Variants in CSMD3 observed in about 807,000 individuals in gnomAD.
The protein encoded by CSMD3 is CUB and sushi domain-containing protein 3.
CSMD3 carries 177 observed loss-of-function variants against 435.2 expected under a neutral mutation model. That is an observed-to-expected ratio of 0.41 (90% CI 0.36 to 0.46). The LOEUF (loss-of-function observed/expected upper bound fraction) is 0.46, where lower values mean the gene tolerates loss of function less well. CSMD3 is among the 20% of genes least tolerant of loss of function. The pLI, the probability that CSMD3 is intolerant of heterozygous loss-of-function variation, is 0.34. For missense variants in CSMD3, 4,265 were observed against 4,504.6 expected, an observed-to-expected ratio of 0.95 and a Z score of 1.52; for synonymous variants, 1,656 against 1,520.5, an observed-to-expected ratio of 1.09 and a Z score of -2.07.
In CSMD3 at chr8:112,685,437, C is replaced by T. The variant is rs1255348856; in HGVS notation, c.2451G>A (p.Met817Ile). The change falls in exon 15 of 71, where the codon ATG becomes ATA. Residue 817 changes from methionine to isoleucine, a missense_variant. By Grantham distance (10) the Met-to-Ile change is conservative. Around this residue, in one of 3 missense-constraint regions of CSMD3, gnomAD observed 279 missense variants for 369.0 expected, o/e 0.76. Coordinates refer to ENST00000297405, the MANE Select transcript of CSMD3 (RefSeq NM_198123.2). ...LRLEFQADHS[M>I]SGRGFNITYN... ...AAGTGATGTTAAAGCCACGTCCTGA[C>T]ATTGAGTGGTCAGCCTGAAATTCCA... The T allele has an allele frequency of 6.2e-7, 1 of 1,613,962 alleles. No homozygotes were observed. Among genetic ancestry groups the T allele is most frequent in the East Asian group, 2.2e-5 (1 of 44,838 alleles).
At chr8:112,751,920 G>T (rs1350612615) in intron 13 of CSMD3, among the ~76,000 whole-genome samples, 1 of 151,936 alleles carries the variant, frequency 6.6e-6, no homozygotes, top group Non-Finnish European at 1.5e-5. Context: ...ATTTCTACTT[G>T]AGCACTAAAT....
At chr8:112,718,454 C>G (rs2076782114) in intron 13 of CSMD3, among the ~76,000 whole-genome samples, 1 of 151,580 alleles carries the variant, frequency 6.6e-6, no homozygotes, top group Non-Finnish European at 1.5e-5. Context: ...CTATTTCATT[C>G]TCTCTTCAGT....
At chr8:113,313,722 T>A (rs941507249) in intron 2 of CSMD3, 1 of 152,130 alleles carries the variant, frequency 6.6e-6, no homozygotes, top group Non-Finnish European at 1.5e-5. Flanking sequence ...AGTCTTTAAT[T>A]CCTACATGTT....
intron 61 of CSMD3, among the ~76,000 whole-genome samples, chr8:112,256,548 T>G (rs1170683808): frequency 6.6e-6 from 1 of 152,196 alleles, no homozygotes; most frequent in Admixed American, 6.5e-5. Context: ...AGGAGGCCTG[T>G]GTGGCTGGAG....
chr8:113,244,758 C>T (rs751269904), intron 3 of CSMD3, among the ~76,000 whole-genome samples: 22 of 152,026 alleles, frequency 1.4e-4, no homozygotes, highest in Non-Finnish European at 4.4e-5. Flanking sequence ...TATATCTGGA[C>T]TGGTTTTTTT....
At chr8:112,691,228 C>T (rs2076130323) in intron 13 of CSMD3, among the ~76,000 whole-genome samples, 1 of 152,094 alleles carries the variant, frequency 6.6e-6, no homozygotes, top group Non-Finnish European at 1.5e-5. Context: ...ATCATACATG[C>T]ATTTAAACGT....
At chr8:112,749,203 G>T (rs2077510850) in intron 13 of CSMD3, among the ~76,000 whole-genome samples, 1 of 151,936 alleles carries the variant, frequency 6.6e-6, no homozygotes, top group African/African-American at 2.4e-5. Context: ...TTTTCCTCTT[G>T]TGAATTTGTT....
intron 44 of CSMD3, among the ~76,000 whole-genome samples, 177 bp from the exon 45 acceptor site, chr8:112,335,651 T>C (rs1824485392): frequency 6.6e-6 from 1 of 152,120 alleles, no homozygotes; most frequent in African/African-American, 2.4e-5. Context: ...GGTGACCACA[T>C]ATTTTTAAAT....
chr8:112,362,444 T>A (rs3950676), intron 38 of CSMD3, among the ~76,000 whole-genome samples: 59,397 of 151,822 alleles, frequency 0.39, 13,218 homozygotes, highest in Middle Eastern at 0.53. Flanking sequence ...AGTAAATGAA[T>A]ACTCAGTAAT....
intron 9 of CSMD3, among the ~76,000 whole-genome samples, chr8:112,937,663 T>G (rs2083326428): frequency 6.6e-6 from 1 of 152,104 alleles, no homozygotes; most frequent in South Asian, 2.1e-4. Flanking sequence ...TAATATGTCT[T>G]TTAAGGTGCC....
At chr8:113,170,461 A>G (rs2092247587) in intron 4 of CSMD3, among the ~76,000 whole-genome samples, 1 of 152,132 alleles carries the variant, frequency 6.6e-6, no homozygotes. Flanking sequence ...TTATTGTTTC[A>G]TTCAAAATGT....
chr8:113,086,893 TA>T (rs2131485329), intron 5 of CSMD3, among the ~76,000 whole-genome samples: 1 of 152,332 alleles, frequency 6.6e-6, no homozygotes, highest in African/African-American at 2.4e-5. Context: ...CTTAAAAATT[TA>T]ATATATGTGG....
intron 45 of CSMD3, among the ~76,000 whole-genome samples, chr8:112,332,603 A>G (rs1028887355): frequency 6.6e-6 from 1 of 152,198 alleles, no homozygotes; most frequent in Admixed American, 6.5e-5. Context: ...TTAAAGTATC[A>G]GTCAATTTTT....
rs753334319 is a variant in CSMD3, at chr8:112,645,154, T to C, written c.3265A>G (p.Asn1089Asp). Residue 1089 changes from asparagine (N) to aspartate (D), a missense_variant, in exon 20 of 71, where the codon AAT (asparagine) becomes GAT (aspartate). Around this residue, in one of 3 missense-constraint regions of CSMD3, gnomAD observed 3,255 missense variants for 3,380.2 expected, o/e 0.96. Coordinates refer to ENST00000297405, the MANE Select transcript of CSMD3 (RefSeq NM_198123.2). ...ACAGTCCATGTACAATTCAGAGAAT[T>C]TGGATAAAATTCCGGGTAACCAGGT... Reference protein sequence around the residue: ...LSPGYPEFYPNSLNCTWTVDV... With the variant: ...LSPGYPEFYPDSLNCTWTVDV... 3 of 1,608,236 alleles carry C rather than the reference T, an allele frequency of 1.9e-6. No individual in the cohort carries two copies. Among genetic ancestry groups the C allele is most frequent in the South Asian group, 1.1e-5 (1 of 90,942 alleles).
chr8:113,270,692 G>A (rs2093516336), intron 3 of CSMD3, among the ~76,000 whole-genome samples: 1 of 152,024 alleles, frequency 6.6e-6, no homozygotes, highest in African/African-American at 2.4e-5. Flanking sequence ...GGATGAAGCT[G>A]GAAACCATCA....
chr8:112,270,671 TCA>T (rs1360942710), intron 59 of CSMD3, among the ~76,000 whole-genome samples: 2 of 152,114 alleles, frequency 1.3e-5, no homozygotes, highest in Non-Finnish European at 2.9e-5. Flanking sequence ...CATTGTATAC[TCA>T]CAGTTATGTT....
At chr8:113,389,900 A>G (rs1355298813) in intron 1 of CSMD3, among the ~76,000 whole-genome samples, 1 of 151,808 alleles carries the variant, frequency 6.6e-6, no homozygotes, top group Non-Finnish European at 1.5e-5. Flanking sequence ...ATATTAAATG[A>G]TACTATATAG....
intron 32 of CSMD3, among the ~76,000 whole-genome samples, chr8:112,433,619 T>C (rs1364007812): frequency 1.6e-5 from 2 of 124,400 alleles, no homozygotes; most frequent in Non-Finnish European, 3.2e-5. Context: ...ATCATGCCAT[T>C]GCACTTCAGC....
chr8:112,996,941 G>A (rs753668095), intron 6 of CSMD3, among the ~76,000 whole-genome samples: 1 of 151,606 alleles, frequency 6.6e-6, no homozygotes. Context: ...TAACAGAACT[G>A]TAAAAGAGAT....
Sources: gnomAD v4.1 joint callset for allele counts (sites outside exome capture counted in the v4.1 genomes callset) on GRCh38, gnomAD v4.1.1 for gene constraint, gnomAD v4.1.1 regional missense constraint, MANE v1.5 for transcripts, NCBI Gene and HGNC (gene_info 2026-07-23, HGNC 2026-07-21) for gene names.